The following CDS2 variants were observed in gnomAD, a reference collection of about 807,000 sequenced individuals.
The protein encoded by CDS2 is CDP-diacylglycerol synthase 2, also known as phosphatidate cytidylyltransferase 2.
In CDS2, 47 loss-of-function variants were observed where a neutral mutation model predicts 59.0. That is an observed-to-expected ratio of 0.80 (90% CI 0.63 to 1.02). The LOEUF (loss-of-function observed/expected upper bound fraction) is 1.02. Among genes scored for constraint, CDS2 ranks in the 50% least tolerant of loss-of-function variants. The probability of loss-of-function intolerance (pLI) is 0.00; values close to 1 mark genes in which losing one functional copy is unlikely to be tolerated. For synonymous variants in CDS2, 207 were observed against 206.4 expected, an observed-to-expected ratio of 1.00 and a Z score of -0.02; for missense variants, 356 against 558.9, an observed-to-expected ratio of 0.64 and a Z score of 3.66.
At chr20:5,163,629 TTTA>T (rs2123020197) in intron 1 of CDS2, among the ~76,000 whole-genome samples, 1 of 152,298 alleles carries the variant, frequency 6.6e-6, no homozygotes, top group South Asian at 2.1e-4. Context: ...TCACTTTTTG[TTTA>T]TTATTTTAAT....
In CDS2 at chr20:5,184,818, C is replaced by A; in HGVS notation, c.672-40C>A. 6.9e-7 allele frequency: 1 copy of A among 1,451,194 alleles called. No homozygotes were observed. Among genetic ancestry groups the A allele is most frequent in the South Asian group, 1.1e-5 (1 of 87,552 alleles). 89.9% of individuals were successfully genotyped at this position (1,451,194 alleles called of 1,614,324 possible). A position where few individuals can be genotyped will look rare whatever the true frequency, so the allele number is the denominator to read the frequency against. On this transcript the variant is annotated intron_variant, in intron 7 of 12. Transcript: ENST00000460006. This position sits in a 1 kb window ranked among gnomAD's most constrained non-coding sequence, Gnocchi z 4.3. The stretch of plus-strand genomic sequence containing the variant: ...ATTTTGTGTACTTTTGAGGTACTGT[C>A]ACCTTGCTTGAGTTGATCCTTACTT...
intron 11 of CDS2, 71 bp downstream of exon 11, chr20:5,189,257 GC>G: frequency 1.3e-6 from 2 of 1,579,978 alleles, no homozygotes; most frequent in Non-Finnish European, 8.7e-7. Flanking sequence ...CCCCTTCCCT[GC>G]CCCCTCCAAA....
At chr20:5,171,681 G>A (rs969425554) in intron 1 of CDS2, among the ~76,000 whole-genome samples, 23 of 152,200 alleles carry the variant, frequency 1.5e-4, no homozygotes, top group Admixed American at 4.6e-4. Flanking sequence ...ACTCTGGAGT[G>A]GTGTACTGGG....
At chr20:5,189,884 C>A in intron 12 of CDS2, 46 bp downstream of exon 12, 2 of 1,480,326 alleles carry the variant, frequency 1.4e-6, no homozygotes, top group Non-Finnish European at 1.9e-6. Context: ...TTTTTAAGTA[C>A]GGTGCAATTC....
intron 1 of CDS2, among the ~76,000 whole-genome samples, chr20:5,131,049 C>T (rs1280198405): frequency 8.1e-5 from 12 of 148,328 alleles, no homozygotes; most frequent in African/African-American, 2.5e-4. Context: ...GCCGAGATGG[C>T]GCCACTGCAC....
intron 1 of CDS2, among the ~76,000 whole-genome samples, chr20:5,145,236 A>AACCCCC (rs2090731130): frequency 1.9e-5 from 1 of 51,968 alleles, no homozygotes; most frequent in Non-Finnish European, 3.8e-5. Context: ...GAAAGGAAAG[A>AACCCCC]CCCCCCCCCC....
chr20:5,178,910 T>A lies in CDS2; in HGVS notation c.483T>A (p.Ile161=). 2 of 1,614,158 alleles carry A rather than the reference T, an allele frequency of 1.2e-6. No homozygotes were observed. The highest frequency in any genetic ancestry group is 2.2e-5 in the South Asian group (2 of 91,088). The change falls in exon 5 of 13, where the codon ATT becomes ATA. Residue 161 remains isoleucine, a synonymous_variant. Transcript: ENST00000460006. ...TLVQREEPLR[I]LSKYHRFISF... ...TCCAGAGAGAAGAGCCTTTGCGGATTCTCAGTAAATACCACCGGTTCATTT... is the reference window on the plus strand; with the variant it reads ...TCCAGAGAGAAGAGCCTTTGCGGATACTCAGTAAATACCACCGGTTCATTT...
intron 1 of CDS2, among the ~76,000 whole-genome samples, chr20:5,133,235 A>G (rs953756564): frequency 6.6e-6 from 1 of 152,156 alleles, no homozygotes; most frequent in African/African-American, 2.4e-5. Flanking sequence ...GGTTGTTAGG[A>G]CTAGAAGGGA....
chr20:5,143,635 T>C (rs1425772401), intron 1 of CDS2, among the ~76,000 whole-genome samples: 1 of 149,712 alleles, frequency 6.7e-6, no homozygotes, highest in Non-Finnish European at 1.5e-5. Context: ...TCTTCTTTTT[T>C]TTTTTTTTTT....
At chr20:5,181,386 C>A (rs1017297062) in intron 5 of CDS2, among the ~76,000 whole-genome samples, 1 of 152,118 alleles carries the variant, frequency 6.6e-6, no homozygotes, top group East Asian at 1.9e-4. Context: ...AAAGATGTTA[C>A]CAGAAAGGGG....
At chr20:5,182,913 C>T (rs748058872) in intron 6 of CDS2, 148 bp from the exon 7 acceptor site, 118 of 659,520 alleles carry the variant, frequency 1.8e-4, no homozygotes, top group Non-Finnish European at 2.9e-4. Flanking sequence ...GAAGCCTGAT[C>T]TTACCTGTTC....
chr20:5,185,084 C>A, intron 8 of CDS2, 139 bp downstream of exon 8: 2 of 658,732 alleles, frequency 3.0e-6, no homozygotes, highest in Admixed American at 2.5e-5. Flanking sequence ...TGGAGAAAGG[C>A]CAAAGGAAAA....
At chr20:5,174,495 G>T (rs1379003344) in intron 2 of CDS2, among the ~76,000 whole-genome samples, 1 of 152,168 alleles carries the variant, frequency 6.6e-6, no homozygotes, top group Admixed American at 6.5e-5. Flanking sequence ...CCAGCACTTT[G>T]GGAGGCCGAG....
intron 1 of CDS2, among the ~76,000 whole-genome samples, chr20:5,137,292 G>A (rs1474449882): frequency 6.6e-6 from 1 of 150,392 alleles, no homozygotes; most frequent in African/African-American, 2.5e-5. Flanking sequence ...CGCCCAGGCT[G>A]GAGTGCAGTA....
chr20:5,183,144 G>T lies in CDS2; in HGVS notation c.671+1G>T, dbSNP rs750014083. 3.1e-6 allele frequency: 5 copies of T among 1,612,848 alleles called. No individual in the cohort carries two copies. Among genetic ancestry groups the T allele is most frequent in the Non-Finnish European group, 4.2e-6 (5 of 1,178,996 alleles). On this transcript the variant is annotated splice_donor_variant, in intron 7 of 12. Coordinates refer to ENST00000460006, the MANE Select transcript of CDS2 (RefSeq NM_003818.4). LOFTEE classifies it high-confidence loss of function. ...ACAACCTATTTGAAGGAATGATCTGGTGAGAATTGGGAGTTGGATTTTCCC... is the reference window on the plus strand; with the variant it reads ...ACAACCTATTTGAAGGAATGATCTGTTGAGAATTGGGAGTTGGATTTTCCC...
In CDS2 at chr20:5,189,470, G is replaced by A. The variant is rs114623022; in HGVS notation, c.1102-265G>A. On this transcript the variant is annotated intron_variant, in intron 11 of 12. Coordinates refer to ENST00000460006, the MANE Select transcript of CDS2 (RefSeq NM_003818.4). ...CCCCAGCACTTTAAGAGGCCAAGGC[G>A]GGAGGATCACTTGAGGCTAGGAGTT... Among the ~76,000 whole-genome samples, 1,369 of 152,270 alleles carry A rather than the reference G, an allele frequency of 9.0e-3. 22 individuals are homozygous for A. The highest frequency in any genetic ancestry group is 0.029 in the African/African-American group (1,207 of 41,548).
rs747103753 is a variant in CDS2 at position 5,175,280 on chromosome 20, G to GT, written c.291+2dup. On this transcript the variant is annotated splice_donor_variant, in intron 3 of 12. Transcript: ENST00000460006. LOFTEE classifies it high-confidence loss of function. ...GGGACCAATGGTTTTGATGATAATC[G>GT]TAAGTGCCATTTCACACTATTTTAG... is the stretch of plus-strand genomic sequence containing the variant. The GT allele has an allele frequency of 8.7e-6, 14 of 1,611,002 alleles. No individual in the cohort carries two copies. In the East Asian group the frequency reaches 2.0e-4, roughly 23 times the overall value.
chr20:5,147,039 A>G (rs1471317518), intron 1 of CDS2, among the ~76,000 whole-genome samples: 4 of 152,224 alleles, frequency 2.6e-5, no homozygotes, highest in African/African-American at 9.6e-5. Flanking sequence ...CTCACATGTC[A>G]TTGGCCAGAA....
chr20:5,190,023 C>T (rs1415385128), intron 12 of CDS2, 79 bp from the exon 13 acceptor site: 2 of 1,555,556 alleles, frequency 1.3e-6, no homozygotes, highest in Admixed American at 1.8e-5. Flanking sequence ...ATCCAGAGAT[C>T]AGAGCAGCCA....
Sources: allele counts gnomAD v4.1 joint callset (sites outside exome capture counted in the v4.1 genomes callset), GRCh38; gene constraint gnomAD v4.1.1; non-coding constraint Gnocchi (gnomAD v3.1); transcripts MANE v1.5; gene names NCBI Gene and HGNC (gene_info 2026-07-23, HGNC 2026-07-21).